Variants in NRXN3 observed in about 807,000 individuals in gnomAD.
NRXN3 encodes neurexin III.
In NRXN3, 32 loss-of-function variants were observed where a neutral mutation model predicts 137.6. The ratio of observed to expected loss-of-function variants is 0.23; its 90% CI spans 0.18 to 0.31. The LOEUF (loss-of-function observed/expected upper bound fraction) is 0.31, where lower values mean the gene tolerates loss of function less well. NRXN3 is among the 10% of genes least tolerant of loss of function. The probability of loss-of-function intolerance (pLI) is 1.00; values close to 1 mark genes in which losing one functional copy is unlikely to be tolerated. For missense variants in NRXN3, 1,574 were observed against 2,062.5 expected (o/e 0.76, Z 4.59); for synonymous variants, 798 against 784.5 (o/e 1.02, Z -0.29).
At chr14:79,193,281 AC>A (rs1289088316) in intron 15 of NRXN3, among the ~76,000 whole-genome samples, 5 of 152,180 alleles carry the variant, frequency 3.3e-5, no homozygotes, top group Admixed American at 2.6e-4. Context: ...GATGGATTTT[AC>A]CCTCTGGATC....
chr14:79,736,807 G>A (rs2098943682), intron 19 of NRXN3, among the ~76,000 whole-genome samples: 1 of 152,156 alleles, frequency 6.6e-6, no homozygotes, highest in Admixed American at 6.5e-5. Context: ...AGACATGCAA[G>A]CCCTGCCTCA....
chr14:78,461,467 G>C (rs756503061), intron 4 of NRXN3, among the ~76,000 whole-genome samples: 3 of 152,112 alleles, frequency 2.0e-5, no homozygotes, highest in Non-Finnish European at 4.4e-5. Context: ...TGCCTTGGAT[G>C]AAAAATTCTG....
rs1369706230 is a variant in NRXN3, at chr14:79,100,977, G to A, written c.3262+112836G>A. On this transcript the variant is annotated intron_variant, in intron 15 of 20. Coordinates refer to ENST00000335750, the MANE Select transcript of NRXN3 (RefSeq NM_001330195.2). ...AAACAGAAGCTCTACTACTAAAATAGTGGTTCATAATTAATAATCCCTTGA... is the reference window on the plus strand; with the variant it reads ...AAACAGAAGCTCTACTACTAAAATAATGGTTCATAATTAATAATCCCTTGA... Among the ~76,000 whole-genome samples, 2 of 152,178 alleles carry A rather than the reference G, an allele frequency of 1.3e-5. 1 individual carries two copies. The highest frequency in any genetic ancestry group is 4.8e-5 in the African/African-American group (2 of 41,450).
intron 10 of NRXN3, among the ~76,000 whole-genome samples, chr14:78,940,348 A>G (rs781461324): frequency 1.2e-4 from 19 of 152,206 alleles, no homozygotes; most frequent in South Asian, 4.1e-4. Context: ...ATGTGCATGT[A>G]TATATGCACA....
chr14:78,824,312 G>T (rs2098960214), intron 10 of NRXN3, among the ~76,000 whole-genome samples: 1 of 151,866 alleles, frequency 6.6e-6, no homozygotes, highest in Admixed American at 6.6e-5. Flanking sequence ...TTCAGTCAAG[G>T]GACTTGAGAT....
At chr14:79,077,777 G>C (rs1341854083) in intron 15 of NRXN3, among the ~76,000 whole-genome samples, 1 of 151,974 alleles carries the variant, frequency 6.6e-6, no homozygotes, top group South Asian at 2.1e-4. Flanking sequence ...ATCAGTCTGT[G>C]GTATAATATT....
intron 15 of NRXN3, among the ~76,000 whole-genome samples, chr14:79,197,555 C>CT (rs34453011): frequency 0.22 from 32,521 of 146,874 alleles, 3,572 homozygotes; most frequent in Non-Finnish European, 0.24. Flanking sequence ...TCTGTAATTT[C>CT]TTTTTTTTTT....
At chr14:79,111,474 C>T (rs1247354218) in intron 15 of NRXN3, among the ~76,000 whole-genome samples, 1 of 152,184 alleles carries the variant, frequency 6.6e-6, no homozygotes, top group East Asian at 1.9e-4. Context: ...CACAGTGGCT[C>T]ATGCCTGTAA....
chr14:78,984,179 G>A (rs1229297535), intron 14 of NRXN3, among the ~76,000 whole-genome samples: 1 of 152,120 alleles, frequency 6.6e-6, no homozygotes, highest in Non-Finnish European at 1.5e-5. Context: ...GCAAATAATA[G>A]CGTATTTTAA....
At chr14:79,237,468 G>C (rs1008166464) in intron 15 of NRXN3, among the ~76,000 whole-genome samples, 2 of 152,092 alleles carry the variant, frequency 1.3e-5, no homozygotes, top group African/African-American at 4.8e-5. Context: ...CGGGGGACAG[G>C]TGGATTATCT....
chr14:79,441,191 C>T (rs1326393508), intron 15 of NRXN3, among the ~76,000 whole-genome samples: 1 of 150,722 alleles, frequency 6.6e-6, no homozygotes, highest in East Asian at 2.0e-4. Flanking sequence ...CACAGTGTTT[C>T]TTTTTTTTTA....
At chr14:79,856,636 A>G (rs1306036297) in intron 20 of NRXN3, among the ~76,000 whole-genome samples, 5 of 145,078 alleles carry the variant, frequency 3.4e-5, no homozygotes, top group East Asian at 2.0e-4. Context: ...TTTTTTTTCC[A>G]AAGATAACCC....
chr14:79,693,362 C>T (rs577895508), intron 18 of NRXN3, among the ~76,000 whole-genome samples: 16 of 152,056 alleles, frequency 1.1e-4, no homozygotes, highest in East Asian at 7.8e-4. Context: ...GACCTTTAAA[C>T]GTGGAAAATC....
chr14:78,633,315 ATACT>A (rs1480868738), intron 4 of NRXN3, among the ~76,000 whole-genome samples: 1 of 151,742 alleles, frequency 6.6e-6, no homozygotes, highest in African/African-American at 2.4e-5. Flanking sequence ...AATGAAATAA[ATACT>A]TTCTTCTAGT....
At chr14:78,928,514 T>C (rs761474096) in intron 10 of NRXN3, among the ~76,000 whole-genome samples, 85 of 152,270 alleles carry the variant, frequency 5.6e-4, no homozygotes, top group Non-Finnish European at 9.7e-4. Flanking sequence ...TGTGTTCTCA[T>C]TGTTCAATTC....
At chr14:79,847,387 A>AT (rs1374862872) in intron 20 of NRXN3, among the ~76,000 whole-genome samples, 2 of 152,186 alleles carry the variant, frequency 1.3e-5, no homozygotes, top group Non-Finnish European at 1.5e-5. Flanking sequence ...AAAAGGTCTT[A>AT]TTTTGATGTC....
chr14:79,721,149 C>G (rs2098843134), intron 19 of NRXN3, among the ~76,000 whole-genome samples: 3 of 152,148 alleles, frequency 2.0e-5, no homozygotes, highest in African/African-American at 7.2e-5. Flanking sequence ...TTAGAAACAT[C>G]TTGCAGATAA....
intron 10 of NRXN3, among the ~76,000 whole-genome samples, chr14:78,865,138 T>C (rs989773211): frequency 6.6e-6 from 1 of 152,138 alleles, no homozygotes; most frequent in African/African-American, 2.4e-5. Context: ...TGTCTCAATT[T>C]GAAATGTTGT....
chr14:79,710,300 A>G (rs928864919), intron 19 of NRXN3, among the ~76,000 whole-genome samples: 4 of 152,174 alleles, frequency 2.6e-5, no homozygotes, highest in Non-Finnish European at 4.4e-5. Context: ...CACTCTTAAT[A>G]TAATTACCTC....
Sources: allele counts gnomAD v4.1 joint callset (sites outside exome capture counted in the v4.1 genomes callset), GRCh38; gene constraint gnomAD v4.1.1; transcripts MANE v1.5; gene names NCBI Gene and HGNC (gene_info 2026-07-23, HGNC 2026-07-21).